TMC7: variants seen among roughly 807,000 people sequenced by gnomAD.
The protein encoded by TMC7 is transmembrane channel-like protein 7.
A neutral mutation model predicts 82.9 loss-of-function variants in TMC7; 54 were observed. That is an observed-to-expected ratio of 0.65 (90% CI 0.52 to 0.82). The LOEUF (loss-of-function observed/expected upper bound fraction) is 0.82. TMC7 is among the 40% of genes least tolerant of loss of function. The pLI, the probability that TMC7 is intolerant of heterozygous loss-of-function variation, is 0.00. For synonymous variants in TMC7, 350 were observed against 337.9 expected (o/e 1.04, Z -0.39); for missense variants, 820 against 901.2 (o/e 0.91, Z 1.15).
intron 2 of TMC7, among the ~76,000 whole-genome samples, chr16:19,011,495 C>A (rs894249110): frequency 3.0e-5 from 4 of 134,936 alleles, no homozygotes; most frequent in South Asian, 2.5e-4. Flanking sequence ...ATAGCAAGAC[C>A]CTGTCTTTAC....
intron 5 of TMC7, among the ~76,000 whole-genome samples, chr16:19,027,652 T>A (rs1960299206): frequency 6.6e-6 from 1 of 151,978 alleles, no homozygotes; most frequent in African/African-American, 2.4e-5. Flanking sequence ...TATAAACAGG[T>A]TTCTTCTGGT....
At chr16:18,986,570 A>G (rs1221829251) in intron 1 of TMC7, among the ~76,000 whole-genome samples, 1 of 151,960 alleles carries the variant, frequency 6.6e-6, no homozygotes, top group African/African-American at 2.4e-5. Context: ...CAGAAAAACA[A>G]CTTTCCGGTG....
intron 6 of TMC7, among the ~76,000 whole-genome samples, chr16:19,032,987 G>A (rs899549924): frequency 6.6e-6 from 1 of 152,126 alleles, no homozygotes; most frequent in Non-Finnish European, 1.5e-5. Context: ...TCAAGCTCAA[G>A]GGCTTGATTG....
intron 6 of TMC7, among the ~76,000 whole-genome samples, chr16:19,033,122 T>A (rs1452866043): frequency 1.3e-5 from 2 of 152,086 alleles, no homozygotes; most frequent in African/African-American, 4.8e-5. Flanking sequence ...CCAGAGACCA[T>A]CGCTGGAATG....
At chr16:19,023,045 A>G in intron 4 of TMC7, 68 bp from the exon 5 acceptor site, 1 of 978,212 alleles carries the variant, frequency 1.0e-6, no homozygotes, top group Non-Finnish European at 1.6e-6. Context: ...ACAAACAAAC[A>G]AAAAAACCAG....
chr16:19,001,678 G>T (rs546868673), intron 1 of TMC7, among the ~76,000 whole-genome samples: 1 of 152,236 alleles, frequency 6.6e-6, no homozygotes, highest in East Asian at 1.9e-4. Context: ...GCAAAACCTT[G>T]TCTTAAACAA....
intron 11 of TMC7, among the ~76,000 whole-genome samples, chr16:19,046,528 G>A (rs960169345): frequency 1.3e-5 from 2 of 152,132 alleles, no homozygotes; most frequent in African/African-American, 2.4e-5. Flanking sequence ...CAGAGGTCCA[G>A]TGAGCCCTTA....
chr16:19,059,386 C>T (rs1361905926), intron 14 of TMC7, 30 bp from the exon 15 acceptor site: 3 of 1,605,762 alleles, frequency 1.9e-6, no homozygotes, highest in East Asian at 4.5e-5. Context: ...GATCCAGACT[C>T]CCTTGTGACC....
chr16:19,045,486 C>T, intron 11 of TMC7, 48 bp downstream of exon 11: 1 of 1,271,444 alleles, frequency 7.9e-7, no homozygotes, highest in East Asian at 2.3e-5. Flanking sequence ...CACACATGCA[C>T]ACACACACAT....
intron 11 of TMC7, among the ~76,000 whole-genome samples, 163 bp from the exon 12 acceptor site, chr16:19,046,900 C>G (rs1961298349): frequency 6.6e-6 from 1 of 151,416 alleles, no homozygotes; most frequent in Admixed American, 6.6e-5. Context: ...AGACTTGGAA[C>G]CTGATCTTAA....
intron 3 of TMC7, among the ~76,000 whole-genome samples, chr16:19,018,447 C>T (rs145191718): frequency 2.9e-4 from 44 of 152,178 alleles, no homozygotes; most frequent in Middle Eastern, 3.4e-3. Flanking sequence ...AGTGCAAACT[C>T]TCTGGTGTCT....
chr16:19,004,756 C>G (rs1162838463), intron 1 of TMC7, among the ~76,000 whole-genome samples: 1 of 152,168 alleles, frequency 6.6e-6, no homozygotes, highest in African/African-American at 2.4e-5. Flanking sequence ...GTCTGATAAA[C>G]CTGTGATGGG....
At chr16:19,034,094 C>T (rs947578368) in intron 6 of TMC7, among the ~76,000 whole-genome samples, 4 of 152,170 alleles carry the variant, frequency 2.6e-5, no homozygotes, top group African/African-American at 9.7e-5. Context: ...CTGACCTAAA[C>T]AGGTGCTCAC....
At chr16:19,057,560 G>A (rs1961829781) in intron 14 of TMC7, among the ~76,000 whole-genome samples, 1 of 152,230 alleles carries the variant, frequency 6.6e-6, no homozygotes, top group Non-Finnish European at 1.5e-5. Flanking sequence ...TTAATACAAT[G>A]ACTTGGGGGA....
At chr16:18,996,173 T>C (rs1291619133) in intron 1 of TMC7, among the ~76,000 whole-genome samples, 1 of 151,678 alleles carries the variant, frequency 6.6e-6, no homozygotes, top group African/African-American at 2.4e-5. Context: ...TGAGGAAGAA[T>C]TGGGACCTGG....
intron 12 of TMC7, among the ~76,000 whole-genome samples, chr16:19,050,081 A>T (rs980264935): frequency 1.3e-5 from 2 of 152,116 alleles, no homozygotes; most frequent in Non-Finnish European, 2.9e-5. Flanking sequence ...ACTTAAAAAA[A>T]ACTTAAATGG....
intron 1 of TMC7, among the ~76,000 whole-genome samples, chr16:18,994,368 A>G (rs1319358925): frequency 6.6e-6 from 1 of 151,974 alleles, no homozygotes; most frequent in Non-Finnish European, 1.5e-5. Flanking sequence ...GAAAGGCTAC[A>G]GGGCGCACTC....
chr16:18,984,531 C>T, intron 1 of TMC7: 1 of 1,018,354 alleles, frequency 9.8e-7, no homozygotes, highest in Non-Finnish European at 1.2e-6. Flanking sequence ...TACAGTTAGA[C>T]CAACTTGAAA....
At chr16:19,059,280 A>C (rs1961900280) in intron 14 of TMC7, 136 bp from the exon 15 acceptor site, 1 of 1,449,628 alleles carries the variant, frequency 6.9e-7, no homozygotes, top group South Asian at 1.4e-5. Flanking sequence ...CACTGGTATT[A>C]TAAAATGAGC....
Sources: gnomAD v4.1 joint callset for allele counts (sites outside exome capture counted in the v4.1 genomes callset) on GRCh38, gnomAD v4.1.1 for gene constraint, MANE v1.5 for transcripts, NCBI Gene and HGNC (gene_info 2026-07-23, HGNC 2026-07-21) for gene names.